Variants in HACD3 observed in about 807,000 individuals in gnomAD.
The protein encoded by HACD3 is 3-hydroxyacyl-CoA dehydratase 3.
In HACD3, 30 loss-of-function variants were observed where a neutral mutation model predicts 55.2. That is an observed-to-expected ratio of 0.54 (90% CI 0.41 to 0.74). The LOEUF is 0.74. Ranked by LOEUF, HACD3 falls within the 30% of genes least tolerant of loss-of-function variation. The pLI, the probability that HACD3 is intolerant of heterozygous loss-of-function variation, is 0.00. For synonymous variants in HACD3, 141 were observed against 151.7 expected (o/e 0.93, Z 0.52); for missense variants, 363 against 440.1 (o/e 0.82, Z 1.57).
intron 7 of HACD3, among the ~76,000 whole-genome samples, chr15:65,569,146 G>A (rs2072323243): frequency 6.6e-6 from 1 of 151,730 alleles, no homozygotes; most frequent in African/African-American, 2.4e-5. Context: ...TACTCGGGAG[G>A]CTGAGGCAGG....
chr15:65,556,067 G>A lies in HACD3; in HGVS notation c.205-672G>A, dbSNP rs959349740. On this transcript the variant is annotated intron_variant, in intron 3 of 10. Transcript: ENST00000261875. ...TCCTTACCAGTTCTCCATGCCAGCC[G>A]TTGGTCTAGATCAACCTTTTTGGCA... Among the ~76,000 whole-genome samples the A allele has an allele frequency of 4.6e-5, 7 of 152,156 alleles. No homozygotes were observed. In the South Asian group the frequency reaches 6.2e-4, roughly 14 times the overall value.
chr15:65,560,732 G>C (rs1408026280), intron 5 of HACD3, among the ~76,000 whole-genome samples: 1 of 151,470 alleles, frequency 6.6e-6, no homozygotes, highest in Middle Eastern at 3.4e-3. Context: ...GACTCCAGGA[G>C]GTCAGGGCTG....
intron 5 of HACD3, among the ~76,000 whole-genome samples, chr15:65,562,544 C>T (rs1319105764): frequency 1.3e-5 from 2 of 151,884 alleles, no homozygotes; most frequent in Admixed American, 6.6e-5. Flanking sequence ...TTCTTCAAGG[C>T]TGGGAAAGGA....
chr15:65,576,300 C>A lies in HACD3; in HGVS notation c.1013-3C>A. 1 of 1,587,200 alleles carries A rather than the reference C, an allele frequency of 6.3e-7. No individual in the cohort carries two copies. Among genetic ancestry groups the A allele is most frequent in the South Asian group, 1.2e-5 (1 of 86,754 alleles). ...TTTCTAATTGACCTCTTTTCTTTTT[C>A]AGGTTTATACATAAATTTTCGTCAC... On this transcript the variant is annotated splice_region_variant and splice_polypyrimidine_tract_variant and intron_variant, in intron 10 of 10. Coordinates refer to ENST00000261875, the MANE Select transcript of HACD3 (RefSeq NM_016395.4).
chr15:65,552,858 A>G (rs1324758486), intron 2 of HACD3, among the ~76,000 whole-genome samples: 1 of 149,416 alleles, frequency 6.7e-6, no homozygotes, highest in African/African-American at 2.5e-5. Context: ...CCACCCCACA[A>G]CAGTCCCCAG....
At chr15:65,545,679 C>T (rs2072069265) in intron 1 of HACD3, among the ~76,000 whole-genome samples, 1 of 151,422 alleles carries the variant, frequency 6.6e-6, no homozygotes, top group Non-Finnish European at 1.5e-5. Flanking sequence ...TGGCCTCTAT[C>T]TCCTGACCTT....
chr15:65,564,067 GC>G, intron 6 of HACD3, 147 bp from the exon 7 acceptor site: 1 of 1,001,244 alleles, frequency 1.0e-6, no homozygotes, highest in Non-Finnish European at 1.5e-6. Flanking sequence ...CACCCTTCCT[GC>G]TTAGTTAAGT....
chr15:65,568,233 T>C (rs1434573013), intron 7 of HACD3, among the ~76,000 whole-genome samples: 1 of 151,874 alleles, frequency 6.6e-6, no homozygotes, highest in African/African-American at 2.4e-5. Flanking sequence ...TGGGTCATAG[T>C]TTCTATTTTA....
At chr15:65,550,186 A>C (rs2141212252) in intron 1 of HACD3, among the ~76,000 whole-genome samples, 1 of 152,252 alleles carries the variant, frequency 6.6e-6, no homozygotes, top group East Asian at 1.9e-4. Flanking sequence ...TCAGGAGTTC[A>C]AGACTAGCCT....
intron 1 of HACD3, among the ~76,000 whole-genome samples, chr15:65,532,950 A>G (rs1022865587): frequency 2.0e-5 from 3 of 152,208 alleles, no homozygotes; most frequent in African/African-American, 7.2e-5. Flanking sequence ...GTTTATTGGT[A>G]GAATTGGAGT....
chr15:65,556,710 CA>C (rs1567336517), intron 3 of HACD3, 28 bp from the exon 4 acceptor site: 1 of 1,580,228 alleles, frequency 6.3e-7, no homozygotes, highest in Admixed American at 1.7e-5. Context: ...CAGAAGAGGG[CA>C]TTCTCACATT....
chr15:65,568,527 T>A lies in HACD3; in HGVS notation c.661-1564T>A, dbSNP rs560339673. Among the ~76,000 whole-genome samples, 5 of 151,832 alleles carry A rather than the reference T, an allele frequency of 3.3e-5. No homozygotes were observed. In the South Asian group the frequency reaches 1.0e-3, roughly 32 times the overall value. On this transcript the variant is annotated intron_variant, in intron 7 of 10. Coordinates refer to ENST00000261875, the MANE Select transcript of HACD3 (RefSeq NM_016395.4). ...GCATCTGCCACCACGCCTGGCTAAT[T>A]TTTGTATTTTTAATAGAGATGGGGT... is the stretch of plus-strand genomic sequence containing the variant.
intron 1 of HACD3, among the ~76,000 whole-genome samples, chr15:65,537,055 C>G (rs1042566847): frequency 3.3e-5 from 5 of 152,168 alleles, no homozygotes; most frequent in African/African-American, 9.7e-5. Flanking sequence ...AAATCAGCCA[C>G]GACATTCTCT....
rs776728788 is a variant in HACD3, at chr15:65,570,211, G to C, written c.773+8G>C. ...TGCAATTGAAATTTTCAGGTGGGTA[G>C]AAATGCCAGGATGGTGTTTGAATGC... is the stretch of plus-strand genomic sequence containing the variant. On this transcript the variant is annotated splice_region_variant and intron_variant, in intron 8 of 10. Transcript: ENST00000261875. 3 of 1,565,830 alleles carry C rather than the reference G, an allele frequency of 1.9e-6. No individual in the cohort carries two copies. The highest frequency in any genetic ancestry group is 2.6e-6 in the Non-Finnish European group (3 of 1,137,244).
chr15:65,557,271 A>T (rs408494), intron 4 of HACD3, among the ~76,000 whole-genome samples: 151,361 of 152,266 alleles, frequency 0.99, 75,237 homozygotes, highest in Middle Eastern at 1. Flanking sequence ...GTCAGGAGAT[A>T]GAGACCATCC....
rs2072402363 is a variant in HACD3 at position 65,576,452 on chromosome 15, A to G, written c.*73A>G. 38 of 1,447,754 alleles carry G rather than the reference A, an allele frequency of 2.6e-5. No individual in the cohort carries two copies. Among genetic ancestry groups the G allele is most frequent in the Non-Finnish European group, 3.5e-5 (38 of 1,079,474 alleles). The allele number at this position is 1,447,754 out of a possible 1,614,324, so 89.7% of individuals were successfully genotyped here. On this transcript the variant is annotated 3_prime_UTR_variant, in exon 11 of 11. Transcript: ENST00000261875. ...CTTACAGTTTTACCTTCTTGAACCA[A>G]TGTAAAAGTTTTTTTAATGTTAAAT...
chr15:65,558,643 A>T, intron 4 of HACD3, 37 bp from the exon 5 acceptor site: 2 of 1,561,494 alleles, frequency 1.3e-6, no homozygotes, highest in Non-Finnish European at 1.7e-6. Flanking sequence ...TGGGAATTCT[A>T]ACTTGTGTTC....
chr15:65,536,119 T>TGG (rs2071952699), intron 1 of HACD3, among the ~76,000 whole-genome samples: 1 of 152,140 alleles, frequency 6.6e-6, no homozygotes, highest in African/African-American at 2.4e-5. Context: ...CAGCCTCAAG[T>TGG]GATCCTTCCA....
At chr15:65,568,801 G>A (rs967991805) in intron 7 of HACD3, among the ~76,000 whole-genome samples, 1 of 152,162 alleles carries the variant, frequency 6.6e-6, no homozygotes, top group Admixed American at 6.5e-5. Context: ...CTAATACCAC[G>A]TTGTATGGTA....
Sources: allele counts gnomAD v4.1 joint callset (sites outside exome capture counted in the v4.1 genomes callset), GRCh38; gene constraint gnomAD v4.1.1; transcripts MANE v1.5; gene names NCBI Gene and HGNC (gene_info 2026-07-23, HGNC 2026-07-21).